The following ANO2 variants were observed in gnomAD, a reference collection of about 807,000 sequenced individuals.
The protein encoded by ANO2 is anoctamin 2.
A neutral mutation model predicts 124.2 loss-of-function variants in ANO2; 101 were observed. The ratio of observed to expected loss-of-function variants is 0.81; its 90% CI spans 0.69 to 0.96. The LOEUF (loss-of-function observed/expected upper bound fraction) is 0.96, where lower values mean the gene tolerates loss of function less well. Among genes scored for constraint, ANO2 ranks in the 40% least tolerant of loss-of-function variants. The pLI, the probability that ANO2 is intolerant of heterozygous loss-of-function variation, is 0.00. For synonymous variants in ANO2, 486 were observed against 482.5 expected, an observed-to-expected ratio of 1.01 and a Z score of -0.09; for missense variants, 1,293 against 1,274.5, an observed-to-expected ratio of 1.01 and a Z score of -0.22.
Position 5,751,220 on chromosome 12 carries a change from T to C in ANO2, c.1056-250A>G, listed in dbSNP as rs558858161. Among the ~76,000 whole-genome samples, 4 of 152,244 alleles carry C rather than the reference T, an allele frequency of 2.6e-5. No individual in the cohort carries two copies. The South Asian group carries it at 8.3e-4, about 32-fold the overall frequency. ...ACCTGTCTTGGCTGTTCATGTGAAATAGCTAGCCAAGAGAAAGAATCCAGC... is the reference window on the plus strand; with the variant it reads ...ACCTGTCTTGGCTGTTCATGTGAAACAGCTAGCCAAGAGAAAGAATCCAGC... On this transcript the variant is annotated intron_variant, in intron 10 of 24. Coordinates refer to ENST00000682330, the MANE Select transcript of ANO2 (RefSeq NM_001364791.2).
At chr12:5,882,822 C>A (rs1938593886) in intron 3 of ANO2, among the ~76,000 whole-genome samples, 1 of 152,210 alleles carries the variant, frequency 6.6e-6, no homozygotes, top group East Asian at 1.9e-4. Flanking sequence ...CTTGATCAAA[C>A]TGGGGCCAGA....
At chr12:5,669,803 G>A (rs1329221133) in intron 14 of ANO2, among the ~76,000 whole-genome samples, 3 of 152,162 alleles carry the variant, frequency 2.0e-5, no homozygotes, top group African/African-American at 7.2e-5. Flanking sequence ...TCCACTCTAT[G>A]TCATGTGACT....
intron 4 of ANO2, chr12:5,851,873 A>G (rs1285172882): frequency 9.9e-6 from 7 of 706,888 alleles, no homozygotes; most frequent in East Asian, 2.6e-5. Context: ...AAAAGGACAC[A>G]CTTTTCCTGT....
intron 12 of ANO2, chr12:5,741,148 CCTGA>C (rs1951080953): frequency 6.6e-6 from 1 of 152,260 alleles, no homozygotes; most frequent in Admixed American, 6.5e-5. Context: ...ACATGCCATG[CCTGA>C]CTATTGGCCG....
At chr12:5,682,352 TCTC>T (rs1173031773) in intron 14 of ANO2, among the ~76,000 whole-genome samples, 3 of 152,116 alleles carry the variant, frequency 2.0e-5, no homozygotes, top group Non-Finnish European at 4.4e-5. Flanking sequence ...TCTCTCTCTC[TCTC>T]TCTCTGTCTG....
chr12:5,813,598 C>T lies in ANO2; in HGVS notation c.893-6230G>A, dbSNP rs190051140. Among the ~76,000 whole-genome samples the T allele has an allele frequency of 1.9e-3, 295 of 152,286 alleles. 4 individuals are homozygous for T. Among genetic ancestry groups the T allele is most frequent in the African/African-American group, 6.8e-3 (283 of 41,552 alleles). ...CTATAGGAGTACAAACTTCTTCCAA[C>T]CATCCTCACCAACTGCTCTGGATGC... On this transcript the variant is annotated intron_variant, in intron 7 of 24. Transcript: ENST00000682330.
At chr12:5,725,124 C>CACACACAT (rs1555147523) in intron 14 of ANO2, among the ~76,000 whole-genome samples, 28 of 148,470 alleles carry the variant, frequency 1.9e-4, no homozygotes, top group Admixed American at 5.4e-4. Context: ...CACACACACA[C>CACACACAT]GCAAACACAA....
intron 10 of ANO2, among the ~76,000 whole-genome samples, chr12:5,759,802 T>C (rs1028278167): frequency 5.3e-5 from 8 of 151,518 alleles, no homozygotes; most frequent in Non-Finnish European, 1.0e-4. Flanking sequence ...TAACTTAGAG[T>C]ACTATATATA....
In ANO2 at chr12:5,563,264, G is replaced by C; in HGVS notation, c.*35C>G. The C allele has an allele frequency of 6.4e-7, 1 of 1,573,498 alleles. No individual in the cohort carries two copies. Among genetic ancestry groups the C allele is most frequent in the Non-Finnish European group, 8.6e-7 (1 of 1,165,160 alleles). ...TGCTTACGTGCATGTGCGTGTCTCT[G>C]CTGCCGTGCCCTCCTCTGCTGCAGG... On this transcript the variant is annotated 3_prime_UTR_variant, in exon 25 of 25. Coordinates refer to ENST00000682330, the MANE Select transcript of ANO2 (RefSeq NM_001364791.2).
chr12:5,605,692 G>T (rs1944184594), intron 19 of ANO2, among the ~76,000 whole-genome samples: 1 of 152,066 alleles, frequency 6.6e-6, no homozygotes, highest in South Asian at 2.1e-4. Context: ...TGTGTTTCGG[G>T]GGCACTATGC....
chr12:5,639,710 G>A (rs1268438220), intron 15 of ANO2, among the ~76,000 whole-genome samples: 1 of 152,170 alleles, frequency 6.6e-6, no homozygotes, highest in Non-Finnish European at 1.5e-5. Context: ...GCCAGGAGGG[G>A]GCCCTGTAGT....
intron 15 of ANO2, among the ~76,000 whole-genome samples, chr12:5,643,279 A>G (rs937197604): frequency 1.3e-5 from 2 of 152,166 alleles, no homozygotes; most frequent in African/African-American, 4.8e-5. Context: ...TCCTTAAACA[A>G]TATAGTTGAG....
intron 10 of ANO2, among the ~76,000 whole-genome samples, chr12:5,770,635 T>C (rs1952050453): frequency 6.6e-6 from 1 of 152,162 alleles, no homozygotes; most frequent in South Asian, 2.1e-4. Context: ...CCAAACACGG[T>C]CCCTGCAAAG....
At chr12:5,638,337 G>A (rs1193833288) in intron 15 of ANO2, among the ~76,000 whole-genome samples, 2 of 147,716 alleles carry the variant, frequency 1.4e-5, no homozygotes, top group Admixed American at 6.7e-5. Flanking sequence ...CTGGGTTCAC[G>A]CCATTCTCCT....
chr12:5,701,888 G>A (rs1366190205), intron 14 of ANO2, among the ~76,000 whole-genome samples: 1 of 152,136 alleles, frequency 6.6e-6, no homozygotes, highest in African/African-American at 2.4e-5. Context: ...TCAAGTCTCT[G>A]TTCAACTTTC....
Position 5,575,842 on chromosome 12 carries a change from C to T in ANO2, c.2613G>A (p.Gln871=). Residue 871 remains glutamine, a synonymous_variant, in exon 23 of 25, where the codon CAG becomes CAA. Transcript: ENST00000682330. ...PENSQFDQEV[Q]FCRFKDYREP... is the part of the protein sequence containing the mutation. ...CCTGAAGATTACTTTACCTGCAGAA[C>T]TGAACCTCCTGGTCAAACTGTGAGT... 1 of 1,613,806 alleles carries T rather than the reference C, an allele frequency of 6.2e-7. No individual in the cohort carries two copies. Among genetic ancestry groups the T allele is most frequent in the South Asian group, 1.1e-5 (1 of 91,028 alleles).
intron 15 of ANO2, among the ~76,000 whole-genome samples, chr12:5,637,426 C>T (rs532411741): frequency 1.3e-4 from 19 of 151,794 alleles, no homozygotes; most frequent in Non-Finnish European, 2.8e-4. Flanking sequence ...ATGGCAAAAA[C>T]ATCCTTTGTT....
intron 2 of ANO2, among the ~76,000 whole-genome samples, chr12:5,922,204 G>A (rs1349014027): frequency 6.6e-6 from 1 of 152,152 alleles, no homozygotes; most frequent in Non-Finnish European, 1.5e-5. Context: ...TCTCCCCGTG[G>A]GTGTTTCCCT....
chr12:5,692,890 C>T (rs1238635395), intron 14 of ANO2, among the ~76,000 whole-genome samples: 1 of 152,170 alleles, frequency 6.6e-6, no homozygotes, highest in Non-Finnish European at 1.5e-5. Flanking sequence ...GGCCAATCAC[C>T]TTGTTGTAAA....
Sources: allele counts gnomAD v4.1 joint callset (sites outside exome capture counted in the v4.1 genomes callset), GRCh38; gene constraint gnomAD v4.1.1; transcripts MANE v1.5; gene names NCBI Gene and HGNC (gene_info 2026-07-23, HGNC 2026-07-21).